The following SPPL3 variants were observed in gnomAD, a reference collection of about 807,000 sequenced individuals.
SPPL3 encodes signal peptide peptidase like 3.
In SPPL3, 5 loss-of-function variants were observed where a neutral mutation model predicts 42.4. That is an observed-to-expected ratio of 0.12 (90% CI 0.06 to 0.25). SPPL3 has a LOEUF of 0.25. Ranked by LOEUF, SPPL3 falls within the 10% of genes least tolerant of loss-of-function variation. SPPL3 has a pLI of 1.00. For missense variants in SPPL3, 235 were observed against 489.0 expected (o/e 0.48, Z 4.90); for synonymous variants, 195 against 181.8 (o/e 1.07, Z -0.58).
chr12:120,903,953 C>A lies in SPPL3; in HGVS notation c.-86G>T. 8.4e-7 allele frequency: 1 copy of A among 1,190,614 alleles called. No homozygotes were observed. The highest frequency in any genetic ancestry group is 2.5e-5 in the South Asian group (1 of 39,264). The allele number at this position is 1,190,614 out of a possible 1,614,324, so 73.8% of individuals were successfully genotyped here. On this transcript the variant is annotated 5_prime_UTR_variant, in exon 1 of 11. Coordinates refer to ENST00000353487, the MANE Select transcript of SPPL3 (RefSeq NM_139015.5). Reference sequence around the variant, plus strand: ...CTCGGGCCGTAGCTGAAGGCGCGGCCGGGGTCCGGTGCTTGCTTGCTTGCT... The same window carrying A: ...CTCGGGCCGTAGCTGAAGGCGCGGCAGGGGTCCGGTGCTTGCTTGCTTGCT...
At chr12:120,834,105 TCA>T (rs1170596125) in intron 1 of SPPL3, among the ~76,000 whole-genome samples, 1 of 152,162 alleles carries the variant, frequency 6.6e-6, no homozygotes. Flanking sequence ...GCCAACGAGT[TCA>T]CAGTTAGAAC....
At chr12:120,813,974 C>A (rs564847127) in intron 1 of SPPL3, among the ~76,000 whole-genome samples, 2 of 152,108 alleles carry the variant, frequency 1.3e-5, no homozygotes, top group Non-Finnish European at 2.9e-5. Flanking sequence ...TCATGAGACA[C>A]TGCTCAAAAA....
chr12:120,870,050 T>C (rs940395324), intron 1 of SPPL3, among the ~76,000 whole-genome samples: 2 of 152,194 alleles, frequency 1.3e-5, no homozygotes, highest in African/African-American at 4.8e-5. Context: ...TTTAGCTTAC[T>C]GTAAAGGATG....
chr12:120,773,031 T>C (rs1051091258), intron 6 of SPPL3, among the ~76,000 whole-genome samples: 1 of 152,186 alleles, frequency 6.6e-6, no homozygotes, highest in Non-Finnish European at 1.5e-5. Flanking sequence ...ATGCATGTCA[T>C]TTGAAATGAA....
chr12:120,814,097 A>T (rs1870784702), intron 1 of SPPL3, among the ~76,000 whole-genome samples: 1 of 152,230 alleles, frequency 6.6e-6, no homozygotes, highest in South Asian at 2.1e-4. Context: ...ACACCAAAAA[A>T]AAGGTAGACT....
At chr12:120,839,154 T>C (rs1213522464) in intron 1 of SPPL3, among the ~76,000 whole-genome samples, 3 of 151,510 alleles carry the variant, frequency 2.0e-5, no homozygotes, top group Non-Finnish European at 2.9e-5. Context: ...GTGGCACATA[T>C]ACACCATGGA....
intron 1 of SPPL3, among the ~76,000 whole-genome samples, chr12:120,875,926 G>A (rs1298942732): frequency 6.6e-6 from 1 of 152,088 alleles, no homozygotes; most frequent in East Asian, 1.9e-4. Context: ...CACTAAGCTG[G>A]AGTGGTGTCA....
intron 1 of SPPL3, among the ~76,000 whole-genome samples, chr12:120,841,099 G>A (rs1871812082): frequency 6.6e-6 from 1 of 152,108 alleles, no homozygotes; most frequent in African/African-American, 2.4e-5. Flanking sequence ...GCTGAGACAG[G>A]TGGATCACCT....
At chr12:120,865,345 C>T (rs550596636) in intron 1 of SPPL3, among the ~76,000 whole-genome samples, 14 of 152,340 alleles carry the variant, frequency 9.2e-5, no homozygotes, top group Admixed American at 2.6e-4. Flanking sequence ...TGATCTACAA[C>T]GGCCAGTACA....
chr12:120,835,436 TAC>T (rs1871580113), intron 1 of SPPL3: 1 of 152,240 alleles, frequency 6.6e-6, no homozygotes, highest in South Asian at 2.1e-4. Flanking sequence ...ATGTTATACA[TAC>T]AGTTATAGAT....
intron 1 of SPPL3, among the ~76,000 whole-genome samples, chr12:120,816,725 C>CT (rs1396197818): frequency 6.6e-6 from 1 of 152,088 alleles, no homozygotes; most frequent in African/African-American, 2.4e-5. Flanking sequence ...TTGCCCAGGG[C>CT]TGGAGAACTG....
rs942842676 is a variant in SPPL3 at position 120,896,472 on chromosome 12, T to C, written c.23+7373A>G. On this transcript the variant is annotated intron_variant, in intron 1 of 10. Transcript: ENST00000353487. ...AACTCTTTAAGTAAGGATAAGAAAA[T>C]ACATGATAGAAAGTGAAAGTTGGCC... 2.0e-5 allele frequency among the ~76,000 whole-genome samples: 3 copies of C among 151,950 alleles called. No individual in the cohort carries two copies. In the East Asian group the frequency reaches 5.8e-4, roughly 29 times the overall value.
intron 1 of SPPL3, among the ~76,000 whole-genome samples, chr12:120,880,933 C>G (rs1286529765): frequency 7.9e-6 from 1 of 127,234 alleles, no homozygotes; most frequent in Non-Finnish European, 1.7e-5. Context: ...CAAAGATACA[C>G]AAATGGTCAA....
chr12:120,778,124 T>TG (rs1446071846), intron 6 of SPPL3, among the ~76,000 whole-genome samples: 2 of 140,474 alleles, frequency 1.4e-5, no homozygotes, highest in African/African-American at 5.3e-5. Context: ...TTTTTTTTTT[T>TG]TTTTTTTTTT....
intron 6 of SPPL3, among the ~76,000 whole-genome samples, chr12:120,779,820 CAAAAAAA>C (rs1164272443): frequency 2.3e-3 from 98 of 42,778 alleles, no homozygotes; most frequent in African/African-American, 8.0e-3. Context: ...ACTAAAAATA[CAAAAAAA>C]AAAAAAAAAA....
At chr12:120,891,595 T>C (rs530243068) in intron 1 of SPPL3, among the ~76,000 whole-genome samples, 2 of 152,202 alleles carry the variant, frequency 1.3e-5, no homozygotes, top group African/African-American at 2.4e-5. Flanking sequence ...ATTCCTGAAA[T>C]AGTAGTGAGA....
intron 1 of SPPL3, among the ~76,000 whole-genome samples, chr12:120,822,287 C>T (rs1005648057): frequency 2.0e-4 from 31 of 152,172 alleles, no homozygotes; most frequent in Admixed American, 2.0e-3. Flanking sequence ...ACAATAACAA[C>T]TTTTATAAAA....
rs531160265 is a variant in SPPL3 at position 120,771,745 on chromosome 12, C to T, written c.503-2686G>A. Among the ~76,000 whole-genome samples the T allele has an allele frequency of 2.6e-5, 4 of 152,226 alleles. No homozygotes were observed. The South Asian group carries it at 8.3e-4, about 32-fold the overall frequency. On this transcript the variant is annotated intron_variant, in intron 6 of 10. Coordinates refer to ENST00000353487, the MANE Select transcript of SPPL3 (RefSeq NM_139015.5). ...GACACAGAGCTGTTGAGAAACTCTTCATGGGGTCTTGTGGTGGGATGAATG... is the reference window on the plus strand; with the variant it reads ...GACACAGAGCTGTTGAGAAACTCTTTATGGGGTCTTGTGGTGGGATGAATG...
chr12:120,862,417 G>A lies in SPPL3; in HGVS notation c.23+41428C>T, dbSNP rs560787100. ...TGAGATTGCCTCTATTTCAGGTGCCGGTATCAAGTCCAGGTCACCCGTACT... is the reference window on the plus strand; with the variant it reads ...TGAGATTGCCTCTATTTCAGGTGCCAGTATCAAGTCCAGGTCACCCGTACT... On this transcript the variant is annotated intron_variant, in intron 1 of 10. Coordinates refer to ENST00000353487, the MANE Select transcript of SPPL3 (RefSeq NM_139015.5). Among the ~76,000 whole-genome samples, 16 of 152,198 alleles carry A rather than the reference G, an allele frequency of 1.1e-4. No individual in the cohort carries two copies. In the South Asian group the frequency reaches 3.1e-3, roughly 30 times the overall value.
Sources: gnomAD v4.1 joint callset for allele counts (sites outside exome capture counted in the v4.1 genomes callset) on GRCh38, gnomAD v4.1.1 for gene constraint, MANE v1.5 for transcripts, NCBI Gene and HGNC (gene_info 2026-07-23, HGNC 2026-07-21) for gene names.